The following TBC1D31 variants were observed in gnomAD, a reference collection of about 807,000 sequenced individuals.
TBC1D31 encodes TBC1 domain family member 31.
Under a neutral mutation model 132.9 loss-of-function variants are expected in TBC1D31, and 99 were observed. The ratio of observed to expected loss-of-function variants is 0.74; its 90% CI spans 0.63 to 0.88. TBC1D31 has a LOEUF of 0.88. Ranked by LOEUF, TBC1D31 falls within the 40% of genes least tolerant of loss-of-function variation. The pLI, the probability that TBC1D31 is intolerant of heterozygous loss-of-function variation, is 0.00. For synonymous variants in TBC1D31, 385 were observed against 419.4 expected (o/e 0.92, Z 1.00); for missense variants, 1,134 against 1,256.6 (o/e 0.90, Z 1.48).
At chr8:123,157,523 C>T in the TBC1D31 span, among the ~76,000 whole-genome samples, 1,064 of 152,176 alleles carry the variant, frequency 7.0e-3, 4 homozygotes, top group African/African-American at 0.025. Flanking sequence ...GGGATTTTTC[C>T]TCCTATTGTT....
At chr8:123,103,241 A>C (rs1817618019) in intron 7 of TBC1D31, 1 of 152,176 alleles carries the variant, frequency 6.6e-6, no homozygotes, top group Admixed American at 6.5e-5. Flanking sequence ...GTCTCTAAAC[A>C]TATGGGATTA....
chr8:123,100,880 T>C lies in TBC1D31; in HGVS notation c.905T>C (p.Ile302Thr), dbSNP rs184916748. 3.0e-5 allele frequency: 49 copies of C among 1,613,982 alleles called. 1 individual carries two copies. The South Asian group carries it at 4.3e-4, about 14-fold the overall frequency. The change falls in exon 7 of 22, where the codon ATT (isoleucine) becomes ACT (threonine). Residue 302 changes from isoleucine (I) to threonine (T), a missense_variant. Physicochemically the swap from Ile to Thr is moderately conservative, Grantham distance 89 (BLOSUM62 -1). Transcript: ENST00000287380. The stretch of plus-strand genomic sequence containing the variant: ...CAGACTTGTAAACTTCTCTTTGAGA[T>C]TGGGAGCCTCGATGAAGGAATTAGC... ...NMQTCKLLFE[I>T]GSLDEGISSS...
At chr8:123,139,115 C>CTTT (rs1308921293) in intron 17 of TBC1D31, among the ~76,000 whole-genome samples, 2 of 123,924 alleles carry the variant, frequency 1.6e-5, no homozygotes, top group African/African-American at 6.5e-5. Flanking sequence ...GCACATATTT[C>CTTT]TTGTTTTTTT....
rs1201734571 is a variant in TBC1D31, at chr8:123,077,100, T to G, written c.78-11T>G. The G allele has an allele frequency of 1.3e-6, 2 of 1,567,944 alleles. No homozygotes were observed. Among genetic ancestry groups the G allele is most frequent in the Non-Finnish European group, 1.7e-6 (2 of 1,160,350 alleles). ...ACATAGATTCAATGTTTGGGTTTTT[T>G]TCTTTGACAGAATTATAGTGAACAT... On this transcript the variant is annotated splice_polypyrimidine_tract_variant and intron_variant, in intron 1 of 21. Transcript: ENST00000287380.
chr8:123,092,839 G>T (rs749309422), intron 4 of TBC1D31, among the ~76,000 whole-genome samples: 3 of 82,206 alleles, frequency 3.6e-5, no homozygotes, highest in Admixed American at 2.4e-4. Context: ...TGAGACGAAG[G>T]CTCACTCCCT....
At chr8:123,102,519 A>G (rs917945056) in intron 7 of TBC1D31, 3 of 282,564 alleles carry the variant, frequency 1.1e-5, no homozygotes, top group African/African-American at 6.8e-5. Flanking sequence ...GAAGATTCTG[A>G]TTTATATGTT....
chr8:123,109,312 T>C lies in TBC1D31; in HGVS notation c.1210-5T>C. ...CATTTATTAATATTGTCTTTTTCTT[T>C]GTAGAATGAATTACCAGATGGATTA... is the stretch of plus-strand genomic sequence containing the variant. On this transcript the variant is annotated splice_region_variant and splice_polypyrimidine_tract_variant and intron_variant, in intron 8 of 21. Coordinates refer to ENST00000287380, the MANE Select transcript of TBC1D31 (RefSeq NM_145647.4). 2 of 1,568,366 alleles carry C rather than the reference T, an allele frequency of 1.3e-6. No individual in the cohort carries two copies. Among genetic ancestry groups the C allele is most frequent in the South Asian group, 2.2e-5 (2 of 88,950 alleles).
At chr8:123,088,811 A>G (rs529721438) in intron 4 of TBC1D31, among the ~76,000 whole-genome samples, 2 of 152,078 alleles carry the variant, frequency 1.3e-5, no homozygotes, top group Non-Finnish European at 2.9e-5. Context: ...TTTTCTCATG[A>G]CATTAATTTT....
At position 123,082,835 on chromosome 8, in the gene TBC1D31, T is replaced by G; in HGVS notation, c.340+18T>G. ...TGATACAGGTAAGAAGTTCTCCTATTTTTCTTTTGAAGCAGAGTAAAATAT... is the reference window on the plus strand; with the variant it reads ...TGATACAGGTAAGAAGTTCTCCTATGTTTCTTTTGAAGCAGAGTAAAATAT... On this transcript the variant is annotated intron_variant, in intron 3 of 21. Coordinates refer to ENST00000287380, the MANE Select transcript of TBC1D31 (RefSeq NM_145647.4). 2 of 1,554,446 alleles carry G rather than the reference T, an allele frequency of 1.3e-6. No homozygotes were observed. Among genetic ancestry groups the G allele is most frequent in the Non-Finnish European group, 1.8e-6 (2 of 1,129,334 alleles).
chr8:123,131,543 G>A (rs934385381), intron 16 of TBC1D31, among the ~76,000 whole-genome samples: 3 of 151,714 alleles, frequency 2.0e-5, no homozygotes, highest in Admixed American at 6.6e-5. Flanking sequence ...TTTCATATTT[G>A]TTATATGTGT....
chr8:123,134,358 C>T (rs1313116837), intron 17 of TBC1D31, 152 bp downstream of exon 17: 6 of 594,776 alleles, frequency 1.0e-5, no homozygotes, highest in Non-Finnish European at 1.8e-5. Flanking sequence ...TATAGTGAGA[C>T]CCCATCTCTA....
intron 6 of TBC1D31, among the ~76,000 whole-genome samples, chr8:123,098,306 TTTG>T (rs1218073892): frequency 1.3e-5 from 2 of 152,154 alleles, no homozygotes; most frequent in South Asian, 2.1e-4. Context: ...TTCCAGTTTT[TTTG>T]TTGTTGTTTT....
rs1816565147 is a variant in TBC1D31, at chr8:123,093,666, A to T, written c.595A>T (p.Thr199Ser). ...TTCCATTTTTGCCTGGGAATGTGAC[A>T]CACTTTTTTGCAAATATCAATTGCC... is the stretch of plus-strand genomic sequence containing the variant. ...DNSIFAWECD[T>S]LFCKYQLPAP... The change falls in exon 5 of 22, where the codon ACA (threonine) becomes TCA (serine). Residue 199 changes from threonine (T) to serine (S), a missense_variant. Thr to Ser is a moderately conservative substitution (Grantham distance 58). Coordinates refer to ENST00000287380, the MANE Select transcript of TBC1D31 (RefSeq NM_145647.4). The T allele has an allele frequency of 6.2e-7, 1 of 1,611,582 alleles. No homozygotes were observed. The highest frequency in any genetic ancestry group is 8.5e-7 in the Non-Finnish European group (1 of 1,178,162).
At chr8:123,145,875 T>TC (rs1822150778) in intron 20 of TBC1D31, among the ~76,000 whole-genome samples, 1 of 149,772 alleles carries the variant, frequency 6.7e-6, no homozygotes, top group Admixed American at 6.6e-5. Flanking sequence ...CTTTTTCTTT[T>TC]TTTTTTTTTT....
chr8:123,110,957 A>G (rs142757586), intron 10 of TBC1D31, among the ~76,000 whole-genome samples: 240 of 152,256 alleles, frequency 1.6e-3, no homozygotes, highest in African/African-American at 5.2e-3. Context: ...GAGAAACCAG[A>G]TCGTTTAACC....
chr8:123,152,802 C>T (rs1328644873), downstream of TBC1D31, among the ~76,000 whole-genome samples: 2 of 152,028 alleles, frequency 1.3e-5, no homozygotes, highest in Non-Finnish European at 2.9e-5. Context: ...ACCCAGGAGG[C>T]GGAGGTTGCA....
At chr8:123,080,529 C>CTTTTTTTTTTTTTTTTTT (rs57694076) in intron 2 of TBC1D31, among the ~76,000 whole-genome samples, 4 of 76,320 alleles carry the variant, frequency 5.2e-5, no homozygotes, top group Non-Finnish European at 7.0e-5. Flanking sequence ...TTCTTTTATT[C>CTTTTTTTTTTTTTTTTTT]TTTTTTTTTT....
Position 123,151,834 on chromosome 8 carries a change from G to A in TBC1D31, c.3096G>A (p.Trp1032Ter). The A allele has an allele frequency of 6.4e-7, 1 of 1,571,612 alleles. No individual in the cohort carries two copies. Among genetic ancestry groups the A allele is most frequent in the South Asian group, 1.2e-5 (1 of 81,024 alleles). Residue 1032 changes from tryptophan to a stop codon, truncating the protein, a stop_gained, in exon 22 of 22, where the codon TGG becomes TGA. Transcript: ENST00000287380. LOFTEE classifies it low-confidence loss of function (END_TRUNC). ...CTTTAAATAGAAGAGCAGTAGAATG[G>A]GACACCACGGGACAGAATCTTATTA... The part of the protein sequence containing the change: ...QISLNRRAVE[W>*]DTTGQNLIKK...
intron 13 of TBC1D31, among the ~76,000 whole-genome samples, chr8:123,126,892 C>T (rs983882560): frequency 7.9e-5 from 12 of 152,062 alleles, no homozygotes; most frequent in Non-Finnish European, 4.4e-5. Context: ...CAGGTGCGCA[C>T]CATCATGCCC....
Sources: gnomAD v4.1 joint callset for allele counts (sites outside exome capture counted in the v4.1 genomes callset) on GRCh38, gnomAD v4.1.1 for gene constraint, MANE v1.5 for transcripts, NCBI Gene and HGNC (gene_info 2026-07-23, HGNC 2026-07-21) for gene names.